The following MYOM3 variants were observed in gnomAD, a reference collection of about 807,000 sequenced individuals.
MYOM3 encodes the protein myomesin-3.
In MYOM3, 155 loss-of-function variants were observed where a neutral mutation model predicts 191.7. The ratio of observed to expected loss-of-function variants is 0.81; its 90% confidence interval spans 0.71 to 0.92. The LOEUF is 0.92. MYOM3 is among the 40% of genes least tolerant of loss of function. The pLI is 0.00. For missense variants in MYOM3, 1,889 were observed against 1,890.6 expected (o/e 1.00, Z 0.02); for synonymous variants, 757 against 762.9 (o/e 0.99, Z 0.13).
chr1:24,107,554 C>G (rs1447146539), intron 3 of MYOM3, among the ~76,000 whole-genome samples: 1 of 152,198 alleles, frequency 6.6e-6, no homozygotes, highest in Non-Finnish European at 1.5e-5. Flanking sequence ...TGCTTCAGGT[C>G]AGCCAGGACC....
At chr1:24,102,432 G>A (rs776078738) in intron 5 of MYOM3, among the ~76,000 whole-genome samples, 4 of 152,122 alleles carry the variant, frequency 2.6e-5, no homozygotes, top group African/African-American at 4.8e-5. Context: ...TGGCATGGCC[G>A]AGACAGCTGG....
At chr1:24,107,041 A>G (rs1643989329) in intron 4 of MYOM3, 32 bp downstream of exon 4, 1 of 1,576,858 alleles carries the variant, frequency 6.3e-7, no homozygotes, top group African/African-American at 1.3e-5. Flanking sequence ...CGCAGGTCCC[A>G]GGCCCTGGGG....
At chr1:24,090,384 G>A (rs945096900) in intron 12 of MYOM3, among the ~76,000 whole-genome samples, 1 of 152,164 alleles carries the variant, frequency 6.6e-6, no homozygotes, top group African/African-American at 2.4e-5. Flanking sequence ...CTGGCGCTGG[G>A]CACCCTGCCA....
chr1:24,067,379 TCTTTCTTTTTCCTTCCTTCCTTCC>T (rs1643459273), intron 27 of MYOM3, among the ~76,000 whole-genome samples: 1 of 119,172 alleles, frequency 8.4e-6, no homozygotes, highest in Non-Finnish European at 1.7e-5. Context: ...TTTCCTTCTT[TCTTTCTTTTTCCTTCCTTCCTTCC>T]TTCCTTCCTT....
chr1:24,060,962 T>G, intron 35 of MYOM3, 98 bp downstream of exon 35: 1 of 1,393,640 alleles, frequency 7.2e-7, no homozygotes. Context: ...GACCCCACTG[T>G]GGAATGAGGC....
rs114444964 is a variant in MYOM3 at position 24,073,026 on chromosome 1, C to T, written c.2969-1013G>A. ...TGAGTCTAGATTCATGGCAAGCACA[C>T]GGCAAACAAAACCAAAAAAACCCAT... On this transcript the variant is annotated intron_variant, in intron 23 of 36. Transcript: ENST00000374434. Among the ~76,000 whole-genome samples the T allele has an allele frequency of 8.2e-3, 1,254 of 152,238 alleles. 10 individuals are homozygous for T. The highest frequency in any genetic ancestry group is 0.014 in the Non-Finnish European group (944 of 68,022).
At chr1:24,073,214 A>G (rs892344109) in intron 23 of MYOM3, among the ~76,000 whole-genome samples, 9 of 152,116 alleles carry the variant, frequency 5.9e-5, no homozygotes, top group Admixed American at 1.3e-4. Context: ...CCAGCAAATT[A>G]TGGAACTGGA....
Position 24,087,371 on chromosome 1 carries a change from T to C in MYOM3, c.1615-544A>G, listed in dbSNP as rs1393163841. On this transcript the variant is annotated intron_variant, in intron 14 of 36. Coordinates refer to ENST00000374434, the MANE Select transcript of MYOM3 (RefSeq NM_152372.4). The surrounding 1 kb of genome is among the most constrained non-coding windows in gnomAD (Gnocchi z 4.5). Reference sequence around the variant, plus strand: ...CAAATGGCCATCAGGGGGATCCTTTTATAGCACGTGTCAGACCAGGTCCCT... The same window carrying C: ...CAAATGGCCATCAGGGGGATCCTTTCATAGCACGTGTCAGACCAGGTCCCT... Among the ~76,000 whole-genome samples the C allele has an allele frequency of 1.3e-5, 2 of 152,120 alleles. No homozygotes were observed. Among genetic ancestry groups the C allele is most frequent in the African/African-American group, 2.4e-5 (1 of 41,426 alleles).
Position 24,063,987 on chromosome 1 carries a change from T to C in MYOM3, c.3622+85A>G. 1 of 982,832 alleles carries C rather than the reference T, an allele frequency of 1.0e-6. No homozygotes were observed. The highest frequency in any genetic ancestry group is 1.6e-6 in the Non-Finnish European group (1 of 639,770). 60.9% of individuals were successfully genotyped at this position (982,832 alleles called of 1,614,324 possible). On this transcript the variant is annotated intron_variant, in intron 30 of 36. Coordinates refer to ENST00000374434, the MANE Select transcript of MYOM3 (RefSeq NM_152372.4). This position sits in a 1 kb window ranked among gnomAD's most constrained non-coding sequence, Gnocchi z 4.5. Reference sequence around the variant, plus strand: ...TCAATTTCTCCAAGTGACATGGGGATCCCATAAATCTTACTGCACAGATCA... The same window carrying C: ...TCAATTTCTCCAAGTGACATGGGGACCCCATAAATCTTACTGCACAGATCA...
At chr1:24,085,281 G>A (rs917650491) in intron 15 of MYOM3, among the ~76,000 whole-genome samples, 1 of 2,820 alleles carries the variant, frequency 3.5e-4, no homozygotes, top group Non-Finnish European at 9.6e-4. Flanking sequence ...TGGATGGATA[G>A]ATGGATGGAT....
At position 24,108,030 on chromosome 1, in the gene MYOM3, C is replaced by T; in HGVS notation, c.205G>A (p.Ala69Thr). Residue 69 changes from alanine (A) to threonine (T), a missense_variant, in exon 3 of 37, where the codon GCA (alanine) becomes ACA (threonine). Ala to Thr is a moderately conservative substitution (Grantham distance 58). Transcript: ENST00000374434. ...EFSAADYALAAALALTASSEL... is the reference protein window; with the variant it reads ...EFSAADYALATALALTASSEL... The stretch of plus-strand genomic sequence containing the variant: ...GAGGAGGCCGTCAGAGCCAGGGCTG[C>T]TGCCAGGGCGTAGTCCGCGGCGCTG... The T allele has an allele frequency of 4.3e-6, 7 of 1,613,812 alleles. No homozygotes were observed. Among genetic ancestry groups the T allele is most frequent in the Non-Finnish European group, 5.9e-6 (7 of 1,179,862 alleles).
chr1:24,065,880 G>A lies in MYOM3; in HGVS notation c.3534+11C>T. 3 of 1,577,656 alleles carry A rather than the reference G, an allele frequency of 1.9e-6. No homozygotes were observed. The highest frequency in any genetic ancestry group is 2.6e-6 in the Non-Finnish European group (3 of 1,146,656). ...GGAGAAAGTGAGCCCTGAAGCTGGAGCCACACTTGCCTCTTCAATGCAGAG... is the reference window on the plus strand; with the variant it reads ...GGAGAAAGTGAGCCCTGAAGCTGGAACCACACTTGCCTCTTCAATGCAGAG... On this transcript the variant is annotated intron_variant, in intron 29 of 36. Coordinates refer to ENST00000374434, the MANE Select transcript of MYOM3 (RefSeq NM_152372.4).
intron 28 of MYOM3, chr1:24,066,298 GC>G: frequency 2.8e-6 from 2 of 704,866 alleles, no homozygotes; most frequent in Non-Finnish European, 5.3e-6. Flanking sequence ...TCAATGTCCT[GC>G]CCCATCCGGG....
At chr1:24,088,196 A>G (rs1643770933) in intron 14 of MYOM3, among the ~76,000 whole-genome samples, 1 of 152,134 alleles carries the variant, frequency 6.6e-6, no homozygotes, top group South Asian at 2.1e-4. Context: ...AAGAGAGTTA[A>G]GACCTAGAAG....
Position 24,089,631 on chromosome 1 carries a change from G to A in MYOM3, c.1521C>T (p.Val507=). 6.3e-7 allele frequency: 1 copy of A among 1,593,460 alleles called. No homozygotes were observed. The highest frequency in any genetic ancestry group is 8.5e-7 in the Non-Finnish European group (1 of 1,170,300). ...TVTIPSPPTN[V]HASEIREAYV... ...AGGCCTCTCGGATCTCGCTGGCATG[G>A]ACATTGGTTGGCGGTGAGGGGATGG... is the stretch of plus-strand genomic sequence containing the variant. The change falls in exon 14 of 37, where the codon GTC becomes GTT. Residue 507 remains valine (V), a synonymous_variant. Transcript: ENST00000374434.
In MYOM3 at chr1:24,080,041, C is replaced by T. The variant is rs1643647477; in HGVS notation, c.2561G>A (p.Gly854Asp). 6.2e-7 allele frequency: 1 copy of T among 1,613,638 alleles called. No individual in the cohort carries two copies. Among genetic ancestry groups the T allele is most frequent in the Non-Finnish European group, 8.5e-7 (1 of 1,179,806 alleles). Residue 854 changes from glycine to aspartate, a missense_variant, in exon 20 of 37, where the codon GGC becomes GAC. Gly to Asp is a moderately conservative substitution (Grantham distance 94). Coordinates refer to ENST00000374434, the MANE Select transcript of MYOM3 (RefSeq NM_152372.4). ...GSEQWKPVTP[G>D]PISGTHLRVS... ...CCTCAGGTGGGTGCCAGAGATGGGGCCTGGGGTGACCGGCTTCCACTGCTC... is the reference window on the plus strand; with the variant it reads ...CCTCAGGTGGGTGCCAGAGATGGGGTCTGGGGTGACCGGCTTCCACTGCTC...
At chr1:24,076,731 G>A (rs1643605562) in intron 20 of MYOM3, among the ~76,000 whole-genome samples, 1 of 114,640 alleles carries the variant, frequency 8.7e-6, no homozygotes, top group African/African-American at 3.1e-5. Context: ...AGCCGGGATG[G>A]TCTCGATCTC....
Position 24,081,395 on chromosome 1 carries a change from C to A in MYOM3, c.2342G>T (p.Gly781Val), listed in dbSNP as rs769199750. The change falls in exon 19 of 37, where the codon GGT (glycine) becomes GTT (valine). Residue 781 changes from glycine (G) to valine (V), a missense_variant. Transcript: ENST00000374434. ...EFRARAANWAGVGELSAPSSL... is the reference protein window; with the variant it reads ...EFRARAANWAVVGELSAPSSL... ...GCTGGGTGCCGACAGCTCGCCAACA[C>A]CTGCCCAGTTGGCAGCCCGGGCACG... is the stretch of plus-strand genomic sequence containing the variant. 1.2e-6 allele frequency: 2 copies of A among 1,614,198 alleles called. No individual in the cohort carries two copies. The highest frequency in any genetic ancestry group is 1.7e-6 in the Non-Finnish European group (2 of 1,180,032).
chr1:24,089,768 C>T, intron 13 of MYOM3, 103 bp from the exon 14 acceptor site: 1 of 1,353,224 alleles, frequency 7.4e-7, no homozygotes, highest in Non-Finnish European at 1.0e-6. Context: ...CTACCCATCC[C>T]CCAGAGAGGG....
Sources: gnomAD v4.1 joint callset for allele counts (sites outside exome capture counted in the v4.1 genomes callset) on GRCh38, gnomAD v4.1.1 for gene constraint, Gnocchi (gnomAD v3.1) non-coding constraint, MANE v1.5 for transcripts, NCBI Gene and HGNC (gene_info 2026-07-23, HGNC 2026-07-21) for gene names.